Variants in BPIFB1 observed in about 807,000 individuals in gnomAD.
BPIFB1 encodes the protein BPI fold-containing family B member 1.
BPIFB1 carries 34 observed loss-of-function variants against 55.1 expected under a neutral mutation model. That is an observed-to-expected ratio of 0.62 (90% CI 0.47 to 0.82). The LOEUF (loss-of-function observed/expected upper bound fraction) is 0.82, where lower values mean the gene tolerates loss of function less well. Among genes scored for constraint, BPIFB1 ranks in the 40% least tolerant of loss-of-function variants. The pLI, the probability that BPIFB1 is intolerant of heterozygous loss-of-function variation, is 0.00. For synonymous variants in BPIFB1, 236 were observed against 245.3 expected, an observed-to-expected ratio of 0.96 and a Z score of 0.35; for missense variants, 532 against 593.1, an observed-to-expected ratio of 0.90 and a Z score of 1.07.
At chr20:33,289,138 T>C (rs560217813) in intron 3 of BPIFB1, among the ~76,000 whole-genome samples, 1 of 152,082 alleles carries the variant, frequency 6.6e-6, no homozygotes, top group East Asian at 1.9e-4. Flanking sequence ...CCCAGCACTT[T>C]GGGAGGCCAA....
At chr20:33,298,861 G>C (rs1980744627) in intron 7 of BPIFB1, 1 of 230,442 alleles carries the variant, frequency 4.3e-6, no homozygotes, top group African/African-American at 2.3e-5. Context: ...ATTCAGAGTA[G>C]GATCCAGAGT....
chr20:33,298,795 T>G, intron 7 of BPIFB1: 1 of 17,094 alleles, frequency 5.9e-5, no homozygotes, highest in Non-Finnish European at 1.3e-4. Context: ...TCCTTTTTTC[T>G]TTTTTTTTTT....
intron 2 of BPIFB1, among the ~76,000 whole-genome samples, chr20:33,286,897 C>T (rs1010193038): frequency 7.9e-5 from 12 of 152,314 alleles, no homozygotes; most frequent in East Asian, 1.9e-4. Context: ...CAGTGGAGAA[C>T]GACTACTCTA....
In BPIFB1 at chr20:33,302,579, A is replaced by C. The variant is rs78520812; in HGVS notation, c.981+167A>C. 1.8e-3 allele frequency: 1,348 copies of C among 744,282 alleles called. 11 individuals are homozygous for C. The Middle Eastern group carries it at 0.024, about 13-fold the overall frequency. 46.1% of individuals were successfully genotyped at this position (744,282 alleles called of 1,614,324 possible). ...CAGTCTAGCAGGCCAGTTTGACCTG[A>C]AGCAAATCATCACATGGATAGTATT... On this transcript the variant is annotated intron_variant, in intron 10 of 15. Transcript: ENST00000253354.
chr20:33,296,343 C>T (rs755621918), intron 6 of BPIFB1, among the ~76,000 whole-genome samples: 1 of 152,184 alleles, frequency 6.6e-6, no homozygotes, highest in Non-Finnish European at 1.5e-5. Flanking sequence ...GGCAATGCAG[C>T]CAGGAGCAGG....
rs2146532969 is a variant in BPIFB1, at chr20:33,299,902, C to G, written c.665C>G (p.Pro222Arg). 1 of 1,614,054 alleles carries G rather than the reference C, an allele frequency of 6.2e-7. No individual in the cohort carries two copies. Among genetic ancestry groups the G allele is most frequent in the South Asian group, 1.1e-5 (1 of 91,072 alleles). The change falls in exon 8 of 16, where the codon CCC (proline) becomes CGC (arginine). Residue 222 changes from proline to arginine, a missense_variant. By Grantham distance (103) the Pro-to-Arg change is moderately radical. Coordinates refer to ENST00000253354, the MANE Select transcript of BPIFB1 (RefSeq NM_033197.3). ...CTTTCTTCTTGTCCTTGAGCAGTGC[C>G]CATTTCCCTCAGCATTGACCGTCTG... ...YADLLQLVKVPISLSIDRLEF... is the reference protein window; with the variant it reads ...YADLLQLVKVRISLSIDRLEF...
In BPIFB1 at chr20:33,286,338, T is replaced by C; in HGVS notation, c.115+150T>C. Reference sequence around the variant, plus strand: ...GAACATGAGTGGGAGGTTGTAAAGGTCTGGAGAGTCTGTGATCTCAAGAGT... The same window carrying C: ...GAACATGAGTGGGAGGTTGTAAAGGCCTGGAGAGTCTGTGATCTCAAGAGT... On this transcript the variant is annotated intron_variant, in intron 2 of 15. Coordinates refer to ENST00000253354, the MANE Select transcript of BPIFB1 (RefSeq NM_033197.3). The C allele has an allele frequency of 6.0e-6, 4 of 666,764 alleles. No homozygotes were observed. In the South Asian group the frequency reaches 7.4e-5, roughly 12 times the overall value. 41.3% of individuals were successfully genotyped at this position (666,764 alleles called of 1,614,324 possible). A position where few individuals can be genotyped will look rare whatever the true frequency, so the allele number is the denominator to read the frequency against.
chr20:33,302,649 A>T (rs758354403), intron 10 of BPIFB1: 43 of 631,114 alleles, frequency 6.8e-5, no homozygotes, highest in Non-Finnish European at 1.1e-4. Context: ...AGGGGCCATG[A>T]GAACACTCTG....
chr20:33,299,879 T>G lies in BPIFB1; in HGVS notation c.662-20T>G. ...TACTGCCCTCCACCCTCACAGAACT[T>G]TCTTCTTGTCCTTGAGCAGTGCCCA... On this transcript the variant is annotated intron_variant, in intron 7 of 15. Transcript: ENST00000253354. The G allele has an allele frequency of 6.2e-7, 1 of 1,609,686 alleles. No homozygotes were observed. The highest frequency in any genetic ancestry group is 8.5e-7 in the Non-Finnish European group (1 of 1,176,858).
In BPIFB1 at chr20:33,295,645, G is replaced by GAAGA. The variant is rs1357013377; in HGVS notation, c.598-1867_598-1864dup. Among the ~76,000 whole-genome samples the GAAGA allele has an allele frequency of 9.2e-4, 116 of 125,416 alleles. 1 individual carries two copies. The highest frequency in any genetic ancestry group is 1.9e-3 in the Admixed American group (24 of 12,778). 82.3% of individuals were successfully genotyped at this position (125,416 alleles called of 152,430 possible). A position where few individuals can be genotyped will look rare whatever the true frequency, so the allele number is the denominator to read the frequency against. ...CTCGAAAGAAGAAAGAAAGAGAGAA[G>GAAGA]AAGAAAGAAAGAAAGAGAGAAAGAA... is the stretch of plus-strand genomic sequence containing the variant. On this transcript the variant is annotated intron_variant, in intron 6 of 15. Transcript: ENST00000253354.
chr20:33,283,384 C>T (rs142301370), intron 1 of BPIFB1, 130 bp downstream of exon 1: 2,648 of 152,668 alleles, frequency 0.017, 258 homozygotes, highest in Admixed American at 0.16. Context: ...AGTCAGGATC[C>T]GCTGAGGGTC....
intron 2 of BPIFB1, 134 bp from the exon 3 acceptor site, chr20:33,288,607 C>T: frequency 9.5e-7 from 1 of 1,047,864 alleles, no homozygotes; most frequent in Non-Finnish European, 1.4e-6. Context: ...CTGACCTCCA[C>T]CACAGTAGAG....
chr20:33,291,341 G>C (rs1269157934), intron 5 of BPIFB1, among the ~76,000 whole-genome samples: 1 of 152,332 alleles, frequency 6.6e-6, no homozygotes, highest in African/African-American at 2.4e-5. Context: ...CCGGGAGGTG[G>C]GGCAAATCTT....
chr20:33,284,696 C>T (rs1980208965), intron 1 of BPIFB1, among the ~76,000 whole-genome samples: 1 of 152,158 alleles, frequency 6.6e-6, no homozygotes, highest in African/African-American at 2.4e-5. Flanking sequence ...GCAGGACAGT[C>T]CACAGGGGCA....
At chr20:33,304,466 A>G (rs1980954325) in intron 12 of BPIFB1, among the ~76,000 whole-genome samples, 1 of 152,182 alleles carries the variant, frequency 6.6e-6, no homozygotes, top group South Asian at 2.1e-4. Context: ...TGGGCTGTTT[A>G]ATATAAATGA....
chr20:33,286,235 G>A (rs751222675), intron 2 of BPIFB1, 47 bp downstream of exon 2: 7 of 1,539,434 alleles, frequency 4.5e-6, no homozygotes, highest in Middle Eastern at 1.7e-4. Flanking sequence ...CAAGGGGGTA[G>A]GTGGAGCAGC....
Position 33,302,389 on chromosome 20 carries a change from A to G in BPIFB1, c.958A>G (p.Ser320Gly). The G allele has an allele frequency of 1.9e-6, 3 of 1,613,966 alleles. No individual in the cohort carries two copies. Among genetic ancestry groups the G allele is most frequent in the East Asian group, 4.5e-5 (2 of 44,840 alleles). ...LPESAHRLKS[S>G]IGLINEKAAD... ...TGAGAGTGCCCATCGGCTGAAGTCA[A>G]GCATCGGGCTGATCAATGAAAAGGT... The change falls in exon 10 of 16, where the codon AGC becomes GGC. Residue 320 changes from serine to glycine, a missense_variant. By Grantham distance (56) the Ser-to-Gly change is moderately conservative. Transcript: ENST00000253354.
intron 12 of BPIFB1, 118 bp from the exon 13 acceptor site, chr20:33,304,728 C>A: frequency 8.1e-7 from 1 of 1,231,594 alleles, no homozygotes. Flanking sequence ...TCATGTGGTT[C>A]ACTGGAGCCC....
At chr20:33,305,893 A>C in intron 13 of BPIFB1, 109 bp from the exon 14 acceptor site, 1 of 1,236,252 alleles carries the variant, frequency 8.1e-7, no homozygotes, top group South Asian at 1.2e-5. Context: ...GAATTCCTAC[A>C]TCTCCACCAG....
Sources: gnomAD v4.1 joint callset for allele counts (sites outside exome capture counted in the v4.1 genomes callset) on GRCh38, gnomAD v4.1.1 for gene constraint, MANE v1.5 for transcripts, NCBI Gene and HGNC (gene_info 2026-07-23, HGNC 2026-07-21) for gene names.